Variants in NAV3 observed in about 807,000 individuals in gnomAD.
NAV3 encodes neuron navigator 3.
NAV3 carries 87 observed loss-of-function variants against 244.7 expected under a neutral mutation model. That is an observed-to-expected ratio of 0.36 (90% CI 0.30 to 0.42). The LOEUF is 0.42. NAV3 is among the 20% of genes least tolerant of loss of function. NAV3 has a pLI of 1.00. For missense variants in NAV3, 2,663 were observed against 2,893.3 expected (o/e 0.92, Z 1.83); for synonymous variants, 1,126 against 1,042.2 (o/e 1.08, Z -1.55).
intron 1 of NAV3, among the ~76,000 whole-genome samples, chr12:77,889,839 G>T (rs1883725767): frequency 6.6e-6 from 1 of 152,116 alleles, no homozygotes; most frequent in African/African-American, 2.4e-5. Flanking sequence ...TATGTCCAAT[G>T]GTTATGATGT....
rs1555210672 is a variant in NAV3 at position 77,831,189 on chromosome 12, G to GAGAC, written c.-270_-269insCAGA. Reference sequence around the variant, plus strand: ...AGAGACAGAGAGAGAGAGAGAGAGAGAGAGACAGAGAGAGAGAGAGAGAGA... The same window carrying GAGAC: ...AGAGACAGAGAGAGAGAGAGAGAGAGAGACAGAGACAGAGAGAGAGAGAGAGAGA... On this transcript the variant is annotated 5_prime_UTR_variant, in exon 1 of 40. Coordinates refer to ENST00000397909, the MANE Select transcript of NAV3 (RefSeq NM_001024383.2). The GAGAC allele has an allele frequency of 4.8e-4, 61 of 127,148 alleles. No individual in the cohort carries two copies. The highest frequency in any genetic ancestry group is 1.5e-3 in the South Asian group (10 of 6,804). 7.9% of individuals were successfully genotyped at this position (127,148 alleles called of 1,614,324 possible).
intron 1 of NAV3, among the ~76,000 whole-genome samples, chr12:77,937,846 G>A (rs1480936950): frequency 6.6e-6 from 1 of 152,196 alleles, no homozygotes; most frequent in Non-Finnish European, 1.5e-5. Context: ...GCCATGTGAT[G>A]ATAATAATAG....
intron 1 of NAV3, among the ~76,000 whole-genome samples, chr12:77,899,195 G>A (rs1884975961): frequency 6.6e-6 from 1 of 152,180 alleles, no homozygotes; most frequent in African/African-American, 2.4e-5. Flanking sequence ...ATGACAAAAA[G>A]GATTTACAGT....
At chr12:77,966,835 A>C (rs1892565695) in intron 4 of NAV3, among the ~76,000 whole-genome samples, 1 of 152,116 alleles carries the variant, frequency 6.6e-6, no homozygotes, top group African/African-American at 2.4e-5. Context: ...TCAAAAGATC[A>C]TCACTAAAAT....
chr12:77,945,295 T>C (rs917077713), intron 3 of NAV3, among the ~76,000 whole-genome samples: 1 of 152,090 alleles, frequency 6.6e-6, no homozygotes, highest in East Asian at 1.9e-4. Context: ...GAAATTTTGG[T>C]CTGTGTGGAA....
At chr12:78,064,944 T>C (rs553541090) in intron 12 of NAV3, among the ~76,000 whole-genome samples, 1 of 152,238 alleles carries the variant, frequency 6.6e-6, no homozygotes, top group African/African-American at 2.4e-5. Context: ...TGGACTCTTA[T>C]GAGAAGTTTC....
intron 12 of NAV3, among the ~76,000 whole-genome samples, chr12:78,110,026 G>C (rs752565484): frequency 2.0e-5 from 3 of 151,840 alleles, no homozygotes; most frequent in Non-Finnish European, 4.4e-5. Context: ...TGATGATATG[G>C]TTTTGTATCT....
intron 1 of NAV3, among the ~76,000 whole-genome samples, chr12:77,859,120 A>G (rs540641106): frequency 3.3e-5 from 5 of 152,244 alleles, no homozygotes; most frequent in African/African-American, 1.2e-4. Flanking sequence ...TCAGCCCAGC[A>G]AAGAATGAGA....
intron 2 of NAV3, among the ~76,000 whole-genome samples, chr12:77,761,436 A>G (rs977747200): frequency 6.6e-6 from 1 of 152,214 alleles, no homozygotes; most frequent in Non-Finnish European, 1.5e-5. Flanking sequence ...AGCATTGCTT[A>G]AATTCTCTTA....
intron 2 of NAV3, among the ~76,000 whole-genome samples, chr12:77,690,706 G>T (rs1874966327): frequency 6.0e-5 from 1 of 16,782 alleles, no homozygotes; most frequent in South Asian, 2.3e-3. Context: ...TTAAAGTGGG[G>T]ATTATTCTAA....
At chr12:78,181,097 G>A (rs778954649) in intron 30 of NAV3, 52 bp downstream of exon 30, 1 of 1,548,830 alleles carries the variant, frequency 6.5e-7, no homozygotes, top group South Asian at 1.2e-5. Context: ...TGAGTTAACG[G>A]GTGGGAAGCC....
At chr12:77,705,282 T>C (rs923874882) in intron 2 of NAV3, among the ~76,000 whole-genome samples, 1 of 151,420 alleles carries the variant, frequency 6.6e-6, no homozygotes, top group African/African-American at 2.4e-5. Flanking sequence ...CAGCTGGGTG[T>C]GGTAGTGGAC....
intron 1 of NAV3, among the ~76,000 whole-genome samples, chr12:77,838,656 T>C (rs1389480316): frequency 6.6e-6 from 1 of 152,176 alleles, no homozygotes; most frequent in Non-Finnish European, 1.5e-5. Context: ...AATAGATATG[T>C]CATTAATTTT....
At chr12:77,609,596 G>T (rs1310498582) in intron 2 of NAV3, among the ~76,000 whole-genome samples, 1 of 152,054 alleles carries the variant, frequency 6.6e-6, no homozygotes, top group Non-Finnish European at 1.5e-5. Context: ...CTGAGTTGCT[G>T]ATTTAATAAG....
At chr12:77,870,237 C>T (rs138770367) in intron 1 of NAV3, among the ~76,000 whole-genome samples, 200 of 151,668 alleles carry the variant, frequency 1.3e-3, no homozygotes, top group Middle Eastern at 6.8e-3. Context: ...TGTTGGCGCG[C>T]GCCTGTAGTC....
chr12:78,028,655 T>A (rs1460683779), intron 9 of NAV3, among the ~76,000 whole-genome samples: 1 of 152,188 alleles, frequency 6.6e-6, no homozygotes, highest in Non-Finnish European at 1.5e-5. Flanking sequence ...TACCAGTTTA[T>A]TATTATGCTA....
chr12:77,619,749 T>A (rs207473129), intron 2 of NAV3, among the ~76,000 whole-genome samples: 1 of 152,130 alleles, frequency 6.6e-6, no homozygotes, highest in Admixed American at 6.6e-5. Context: ...TCACCATTTA[T>A]CTTCACATGT....
At chr12:77,619,809 G>A (rs1338490709) in intron 2 of NAV3, among the ~76,000 whole-genome samples, 1 of 151,704 alleles carries the variant, frequency 6.6e-6, no homozygotes, top group African/African-American at 2.4e-5. Context: ...TTCTCAAAAT[G>A]ACTTTGGAGT....
At chr12:78,187,538 A>G (rs771703015) in intron 31 of NAV3, among the ~76,000 whole-genome samples, 1 of 151,924 alleles carries the variant, frequency 6.6e-6, no homozygotes, top group East Asian at 1.9e-4. Context: ...ATATATGTAG[A>G]AATTTCTCAA....
Sources: allele counts gnomAD v4.1 joint callset (sites outside exome capture counted in the v4.1 genomes callset), GRCh38; gene constraint gnomAD v4.1.1; transcripts MANE v1.5; gene names NCBI Gene and HGNC (gene_info 2026-07-23, HGNC 2026-07-21).